Variants in COL23A1 observed in about 807,000 individuals in gnomAD.
COL23A1 encodes the protein collagen type XXIII alpha 1 chain, also known as collagen alpha-1(XXIII) chain.
A neutral mutation model predicts 99.3 loss-of-function variants in COL23A1; 97 were observed. That is an observed-to-expected ratio of 0.98 (90% CI 0.83 to 1.16). The LOEUF (loss-of-function observed/expected upper bound fraction) is 1.16, where lower values mean the gene tolerates loss of function less well. Among genes scored for constraint, COL23A1 ranks in the 50% most tolerant of loss-of-function variants. The pLI is 0.00. For missense variants in COL23A1, 762 were observed against 757.4 expected, an observed-to-expected ratio of 1.01 and a Z score of -0.07; for synonymous variants, 320 against 308.2, an observed-to-expected ratio of 1.04 and a Z score of -0.40.
chr5:178,397,622 T>C (rs1272603533), intron 2 of COL23A1, among the ~76,000 whole-genome samples: 1 of 152,186 alleles, frequency 6.6e-6, no homozygotes, highest in Admixed American at 6.5e-5. Context: ...ACCTGCTGTT[T>C]GAGGAGGTTA....
At chr5:178,284,542 T>C (rs888437657) in intron 5 of COL23A1, among the ~76,000 whole-genome samples, 2 of 152,208 alleles carry the variant, frequency 1.3e-5, no homozygotes, top group Admixed American at 6.5e-5. Context: ...GCAAACCCTT[T>C]GGTGCAGCAA....
rs370939012 is a variant in COL23A1, at chr5:178,393,763, G to A, written c.362-86844C>T. On this transcript the variant is annotated intron_variant, in intron 2 of 28. Transcript: ENST00000390654. Reference sequence around the variant, plus strand: ...CGATTTTTCTGCCTCAGCCTCCCAAGTAACTGGGACTACAGGTGTGCACCA... The same window carrying A: ...CGATTTTTCTGCCTCAGCCTCCCAAATAACTGGGACTACAGGTGTGCACCA... Among the ~76,000 whole-genome samples, 40 of 151,710 alleles carry A rather than the reference G, an allele frequency of 2.6e-4. No homozygotes were observed. The East Asian group carries it at 4.9e-3, about 18-fold the overall frequency.
At chr5:178,425,928 T>C (rs919406284) in intron 2 of COL23A1, among the ~76,000 whole-genome samples, 3 of 152,202 alleles carry the variant, frequency 2.0e-5, no homozygotes, top group African/African-American at 7.2e-5. Context: ...CCGCTCCCGA[T>C]GGACTTGTGC....
intron 2 of COL23A1, among the ~76,000 whole-genome samples, chr5:178,475,219 G>A (rs1054793270): frequency 2.6e-5 from 4 of 152,162 alleles, no homozygotes; most frequent in Non-Finnish European, 5.9e-5. Flanking sequence ...ACATGCAATG[G>A]AGGTTAGGAC....
intron 2 of COL23A1, among the ~76,000 whole-genome samples, chr5:178,386,670 C>T (rs944747272): frequency 1.3e-5 from 2 of 152,058 alleles, no homozygotes; most frequent in South Asian, 2.1e-4. Context: ...CACTGAGACC[C>T]GGTGGGAGGG....
chr5:178,516,449 T>C (rs1759520780), intron 2 of COL23A1, among the ~76,000 whole-genome samples: 1 of 152,204 alleles, frequency 6.6e-6, no homozygotes, highest in African/African-American at 2.4e-5. Flanking sequence ...GACCACAGTG[T>C]GAAAGGACAG....
intron 2 of COL23A1, among the ~76,000 whole-genome samples, chr5:178,534,088 G>A (rs1381871517): frequency 6.6e-6 from 1 of 152,108 alleles, no homozygotes; most frequent in Admixed American, 6.6e-5. Flanking sequence ...GCATGCCTTA[G>A]GCCACTGGGG....
intron 3 of COL23A1, among the ~76,000 whole-genome samples, chr5:178,291,257 G>A (rs938709082): frequency 6.6e-6 from 1 of 152,224 alleles, no homozygotes; most frequent in Non-Finnish European, 1.5e-5. Context: ...CGGCCAGCAC[G>A]ATTTATACGT....
intron 2 of COL23A1, among the ~76,000 whole-genome samples, chr5:178,487,818 C>T (rs1031003511): frequency 2.5e-4 from 38 of 152,158 alleles, no homozygotes; most frequent in African/African-American, 8.9e-4. Flanking sequence ...CACTGAAAAC[C>T]CTGGGTCACT....
intron 2 of COL23A1, among the ~76,000 whole-genome samples, chr5:178,538,388 T>C (rs1184490503): frequency 2.0e-5 from 3 of 152,194 alleles, no homozygotes; most frequent in Non-Finnish European, 2.9e-5. Context: ...AAAAATGAAA[T>C]TTAAATAACC....
intron 2 of COL23A1, among the ~76,000 whole-genome samples, chr5:178,523,201 T>TATATATAGAGAGAGAGAGAGAGAG (rs1223542330): frequency 2.6e-5 from 2 of 77,630 alleles, no homozygotes; most frequent in Non-Finnish European, 5.0e-5. Context: ...TATATATATA[T>TATATATAGAGAGAGAGAGAGAGAG]AGAGAGAGAG....
At chr5:178,296,427 G>A (rs1343204115) in intron 3 of COL23A1, among the ~76,000 whole-genome samples, 2 of 152,128 alleles carry the variant, frequency 1.3e-5, no homozygotes, top group Non-Finnish European at 2.9e-5. Context: ...CCATGCCCAG[G>A]GTCATGTCCT....
intron 2 of COL23A1, among the ~76,000 whole-genome samples, chr5:178,341,857 A>T (rs1760685852): frequency 6.6e-6 from 1 of 152,044 alleles, no homozygotes; most frequent in South Asian, 2.1e-4. Flanking sequence ...CTTCCTCCAG[A>T]CAGCACCTGG....
rs143736139 is a variant in COL23A1 at position 178,281,857 on chromosome 5, C to G, written c.441+6467G>C. Among the ~76,000 whole-genome samples the G allele has an allele frequency of 4.2e-3, 645 of 152,032 alleles. 5 individuals carry two copies. The highest frequency in any genetic ancestry group is 0.015 in the African/African-American group (619 of 41,480). On this transcript the variant is annotated intron_variant, in intron 5 of 28. Transcript: ENST00000390654. This position sits in a 1 kb window ranked among gnomAD's most constrained non-coding sequence, Gnocchi z 4.0. ...CTGAGCTCAGGAGTTTGAGACCAGC[C>G]TGTGCAACATGGCAAAACCCTGTGT... is the stretch of plus-strand genomic sequence containing the variant.
chr5:178,433,484 C>T (rs1174129697), intron 2 of COL23A1, among the ~76,000 whole-genome samples: 1 of 152,102 alleles, frequency 6.6e-6, no homozygotes, highest in African/African-American at 2.4e-5. Context: ...TTTATGGAGG[C>T]TTTACTACGG....
intron 5 of COL23A1, among the ~76,000 whole-genome samples, chr5:178,284,350 A>G (rs1757048842): frequency 6.6e-6 from 1 of 152,248 alleles, no homozygotes; most frequent in African/African-American, 2.4e-5. Context: ...AATTAAAACA[A>G]TATTCATACA....
chr5:178,302,893 T>C (rs1450540884), intron 3 of COL23A1, among the ~76,000 whole-genome samples: 2 of 152,206 alleles, frequency 1.3e-5, no homozygotes, highest in Non-Finnish European at 2.9e-5. Flanking sequence ...ACAAGTCAAA[T>C]AGTGACAGTT....
At chr5:178,513,990 A>T (rs1441769746) in intron 2 of COL23A1, among the ~76,000 whole-genome samples, 2 of 152,092 alleles carry the variant, frequency 1.3e-5, no homozygotes, top group African/African-American at 2.4e-5. Context: ...CATCACCACC[A>T]TCCATCCATC....
chr5:178,327,357 G>A (rs1470753229), intron 2 of COL23A1, among the ~76,000 whole-genome samples: 2 of 152,186 alleles, frequency 1.3e-5, no homozygotes, highest in African/African-American at 4.8e-5. Context: ...GCTGATGCCT[G>A]GGAACAATTC....
Sources: allele counts gnomAD v4.1 joint callset (sites outside exome capture counted in the v4.1 genomes callset), GRCh38; gene constraint gnomAD v4.1.1; non-coding constraint Gnocchi (gnomAD v3.1); transcripts MANE v1.5; gene names NCBI Gene and HGNC (gene_info 2026-07-23, HGNC 2026-07-21).